XYLT1: variants seen among roughly 807,000 people sequenced by gnomAD.
XYLT1 encodes beta-D-xylosyltransferase 1.
In XYLT1, 36 loss-of-function variants were observed where a neutral mutation model predicts 91.3. The ratio of observed to expected loss-of-function variants is 0.39; its 90% CI spans 0.30 to 0.52. The LOEUF (loss-of-function observed/expected upper bound fraction) is 0.52. XYLT1 is among the 20% of genes least tolerant of loss of function. The pLI is 0.68. For synonymous variants in XYLT1, 588 were observed against 532.0 expected (o/e 1.11, Z -1.45); for missense variants, 1,242 against 1,284.5 (o/e 0.97, Z 0.51).
At chr16:17,452,366 T>A (rs1172228257) in intron 1 of XYLT1, among the ~76,000 whole-genome samples, 1 of 150,332 alleles carries the variant, frequency 6.7e-6, no homozygotes, top group African/African-American at 2.4e-5. Context: ...CTCACACCTA[T>A]AATCCCAAAA....
At chr16:17,276,342 A>T (rs2033973697) in intron 2 of XYLT1, among the ~76,000 whole-genome samples, 1 of 152,158 alleles carries the variant, frequency 6.6e-6, no homozygotes, top group African/African-American at 2.4e-5. Context: ...CTTCCTGTTT[A>T]TGCCTGAGGT....
chr16:17,329,146 G>C (rs539199822), intron 2 of XYLT1, among the ~76,000 whole-genome samples: 1 of 152,166 alleles, frequency 6.6e-6, no homozygotes, highest in African/African-American at 2.4e-5. Flanking sequence ...AGACGAGTAC[G>C]TAACAAATGG....
chr16:17,435,723 G>C (rs1364995952), intron 1 of XYLT1, among the ~76,000 whole-genome samples: 1 of 152,184 alleles, frequency 6.6e-6, no homozygotes, highest in Non-Finnish European at 1.5e-5. Flanking sequence ...GTATACTAAA[G>C]ACCTGGTGCC....
chr16:17,109,452 AG>A (rs1372238550), intron 11 of XYLT1, among the ~76,000 whole-genome samples: 2 of 152,234 alleles, frequency 1.3e-5, no homozygotes, highest in Non-Finnish European at 2.9e-5. Flanking sequence ...CAAACCAGAT[AG>A]GAAGGTTAAG....
intron 1 of XYLT1, among the ~76,000 whole-genome samples, chr16:17,439,349 A>G (rs2141940042): frequency 6.6e-6 from 1 of 152,316 alleles, no homozygotes; most frequent in East Asian, 1.9e-4. Context: ...GCTACCCTCT[A>G]GAACCTCATC....
chr16:17,259,838 C>T (rs971914000), intron 2 of XYLT1, among the ~76,000 whole-genome samples: 2 of 152,086 alleles, frequency 1.3e-5, no homozygotes, highest in South Asian at 2.1e-4. Context: ...TCCAGCGTCC[C>T]GTTTAAATTC....
Position 17,201,650 on chromosome 16 carries a change from T to G in XYLT1, c.914-996A>C, listed in dbSNP as rs559381796. Among the ~76,000 whole-genome samples the G allele has an allele frequency of 6.6e-5, 10 of 152,072 alleles. No homozygotes were observed. The South Asian group carries it at 2.1e-3, about 32-fold the overall frequency. On this transcript the variant is annotated intron_variant, in intron 3 of 11. Coordinates refer to ENST00000261381, the MANE Select transcript of XYLT1 (RefSeq NM_022166.4). ...ACACCATGCCTAGCTAATTTTTGTG[T>G]TTTTAGTAGAGATGGGGTTTCATCA... is the stretch of plus-strand genomic sequence containing the variant.
chr16:17,129,248 C>T (rs1017876716), intron 9 of XYLT1, among the ~76,000 whole-genome samples: 6 of 151,942 alleles, frequency 3.9e-5, no homozygotes, highest in African/African-American at 9.7e-5. Flanking sequence ...AAACCTCCTG[C>T]GATGACAGAA....
chr16:17,330,351 C>T (rs564920352), intron 2 of XYLT1, among the ~76,000 whole-genome samples: 14 of 152,274 alleles, frequency 9.2e-5, no homozygotes, highest in African/African-American at 3.4e-4. Context: ...TGATCCAGAC[C>T]TCAGATGATG....
At chr16:17,134,353 G>T in intron 9 of XYLT1, 120 bp downstream of exon 9, 1 of 1,354,460 alleles carries the variant, frequency 7.4e-7, no homozygotes, top group African/African-American at 1.4e-5. Context: ...AAGGAAGAGA[G>T]AAAGCATAGG....
chr16:17,222,893 G>A (rs148848504), intron 3 of XYLT1, among the ~76,000 whole-genome samples: 41 of 151,230 alleles, frequency 2.7e-4, no homozygotes, highest in African/African-American at 9.0e-4. Flanking sequence ...TGTGACGGCC[G>A]CTCTTCGTGA....
At position 17,166,328 on chromosome 16, in the gene XYLT1, G is replaced by A. The variant is rs139958067; in HGVS notation, c.1290-7419C>T. On this transcript the variant is annotated intron_variant, in intron 5 of 11. Transcript: ENST00000261381. ...TTCAGGACCATGGCTGTAGTCCTGG[G>A]ATGAGCAGGCATTGAGTCCAATTCC... 2.2e-3 allele frequency among the ~76,000 whole-genome samples: 338 copies of A among 152,302 alleles called. 3 individuals carry two copies. The highest frequency in any genetic ancestry group is 7.7e-3 in the African/African-American group (321 of 41,546).
intron 1 of XYLT1, among the ~76,000 whole-genome samples, chr16:17,439,553 C>T (rs74885421): frequency 3.3e-5 from 5 of 152,128 alleles, no homozygotes; most frequent in Non-Finnish European, 7.4e-5. Context: ...ACCTGCATCC[C>T]AAATGAAAAA....
intron 1 of XYLT1, among the ~76,000 whole-genome samples, chr16:17,379,755 T>TTTCACACA (rs2035649344): frequency 7.7e-6 from 1 of 130,348 alleles, no homozygotes; most frequent in African/African-American, 3.2e-5. Context: ...TCTCTCTCTC[T>TTTCACACA]CTCTCTCTCA....
Position 17,198,345 on chromosome 16 carries a change from A to G in XYLT1, c.1156T>C (p.Trp386Arg), listed in dbSNP as rs2032471502. 9.9e-6 allele frequency: 16 copies of G among 1,614,092 alleles called. No individual in the cohort carries two copies. The highest frequency in any genetic ancestry group is 1.4e-5 in the Non-Finnish European group (16 of 1,180,038). Residue 386 changes from tryptophan (W) to arginine (R), a missense_variant, in exon 5 of 12, where the codon TGG becomes CGG. Physicochemically the swap from Trp to Arg is moderately radical, Grantham distance 101 (BLOSUM62 -3). This residue lies in a region of XYLT1 where 294 missense variants were observed against 376.0 expected (regional missense o/e 0.78). Transcript: ENST00000261381. ...RQYSNVRVTP[W>R]RMATIWGGAS... Reference sequence around the variant, plus strand: ...CCTCCCCAGATGGTGGCCATTCTCCAGGGGGTGACGCGGACATTGCTGTAC... The same window carrying G: ...CCTCCCCAGATGGTGGCCATTCTCCGGGGGGTGACGCGGACATTGCTGTAC...
At chr16:17,250,179 A>G (rs2033514567) in intron 3 of XYLT1, 1 of 152,236 alleles carries the variant, frequency 6.6e-6, no homozygotes, top group Admixed American at 6.5e-5. Flanking sequence ...ACCAATGGAC[A>G]TGGTACTCAA....
At chr16:17,293,581 G>C (rs1394068426) in intron 2 of XYLT1, among the ~76,000 whole-genome samples, 1 of 138,780 alleles carries the variant, frequency 7.2e-6, no homozygotes, top group Non-Finnish European at 1.5e-5. Flanking sequence ...TCTGCCTCTT[G>C]GCTTCAAGTG....
At chr16:17,216,570 C>T (rs973060008) in intron 3 of XYLT1, among the ~76,000 whole-genome samples, 1 of 138,274 alleles carries the variant, frequency 7.2e-6, no homozygotes, top group Non-Finnish European at 1.7e-5. Context: ...TCACATAATG[C>T]AGACAGGAAT....
At chr16:17,197,491 G>A (rs576689287) in intron 5 of XYLT1, among the ~76,000 whole-genome samples, 107 of 152,224 alleles carry the variant, frequency 7.0e-4, no homozygotes, top group Non-Finnish European at 1.4e-3. Context: ...TGGACTGAAG[G>A]ATGCAAAGTA....
Sources: allele counts gnomAD v4.1 joint callset (sites outside exome capture counted in the v4.1 genomes callset), GRCh38; gene constraint gnomAD v4.1.1; regional missense constraint gnomAD v4.1.1; transcripts MANE v1.5; gene names NCBI Gene and HGNC (gene_info 2026-07-23, HGNC 2026-07-21).